Variants in DOCK4 observed in about 807,000 individuals in gnomAD.
DOCK4 encodes dedicator of cytokinesis protein 4.
A neutral mutation model predicts 268.1 loss-of-function variants in DOCK4; 97 were observed. That is an observed-to-expected ratio of 0.36 (90% CI 0.31 to 0.43). The LOEUF is 0.43. Among genes scored for constraint, DOCK4 ranks in the 20% least tolerant of loss-of-function variants. DOCK4 has a pLI of 1.00. For synonymous variants in DOCK4, 954 were observed against 887.2 expected (o/e 1.08, Z -1.34); for missense variants, 2,145 against 2,455.7 (o/e 0.87, Z 2.67).
chr7:111,750,601 C>T (rs1180334634), intron 42 of DOCK4, among the ~76,000 whole-genome samples: 1 of 152,266 alleles, frequency 6.6e-6, no homozygotes, highest in East Asian at 1.9e-4. Context: ...ACCTAGCAGA[C>T]GATGTGTAAT....
chr7:112,171,368 T>C (rs1014230729), intron 1 of DOCK4, among the ~76,000 whole-genome samples: 4 of 152,208 alleles, frequency 2.6e-5, no homozygotes, highest in Admixed American at 1.3e-4. Context: ...TCTGACCATG[T>C]CATATTTTTT....
At chr7:112,063,546 C>G (rs760094644) in intron 1 of DOCK4, among the ~76,000 whole-genome samples, 12 of 152,122 alleles carry the variant, frequency 7.9e-5, no homozygotes, top group African/African-American at 2.7e-4. Flanking sequence ...AGTATTGTAC[C>G]ACATATCACT....
chr7:111,827,059 T>G (rs1802458367), intron 26 of DOCK4, among the ~76,000 whole-genome samples: 2 of 152,054 alleles, frequency 1.3e-5, no homozygotes, highest in Admixed American at 1.3e-4. Context: ...TTCTTCTTAC[T>G]TCAAGAACAA....
chr7:112,144,808 GCA>G (rs1240741733), intron 1 of DOCK4, among the ~76,000 whole-genome samples: 1 of 152,154 alleles, frequency 6.6e-6, no homozygotes, highest in African/African-American at 2.4e-5. Context: ...ACTGTGGTAT[GCA>G]CACTCTCCTT....
At chr7:111,860,183 C>T (rs1056125524) in intron 23 of DOCK4, among the ~76,000 whole-genome samples, 9 of 152,212 alleles carry the variant, frequency 5.9e-5, no homozygotes, top group Non-Finnish European at 1.2e-4. Flanking sequence ...AACTAGACAA[C>T]ATAAATATGC....
intron 36 of DOCK4, among the ~76,000 whole-genome samples, chr7:111,771,047 T>C (rs1798095764): frequency 6.6e-6 from 1 of 152,240 alleles, no homozygotes; most frequent in African/African-American, 2.4e-5. Flanking sequence ...TCCCCCTCCA[T>C]TCAGTTTGCA....
intron 38 of DOCK4, among the ~76,000 whole-genome samples, chr7:111,765,562 C>A (rs1204841650): frequency 6.6e-6 from 1 of 152,176 alleles, no homozygotes; most frequent in African/African-American, 2.4e-5. Context: ...GCATGTAGTC[C>A]TATCAAGAAA....
At chr7:111,974,492 A>ATGTGTGTGTGTGTG (rs59409689) in intron 8 of DOCK4, among the ~76,000 whole-genome samples, 37 of 84,384 alleles carry the variant, frequency 4.4e-4, no homozygotes, top group East Asian at 2.4e-3. Flanking sequence ...TTGAAGAGGG[A>ATGTGTGTGTGTGTG]TGTGTGTGTG....
chr7:112,107,228 C>T (rs1811212372), intron 1 of DOCK4, among the ~76,000 whole-genome samples: 1 of 152,138 alleles, frequency 6.6e-6, no homozygotes, highest in South Asian at 2.1e-4. Flanking sequence ...GCTTGTGTTC[C>T]CACAAACTTC....
intron 27 of DOCK4, 83 bp downstream of exon 27, chr7:111,822,279 G>A: frequency 8.4e-7 from 1 of 1,185,548 alleles, no homozygotes; most frequent in Non-Finnish European, 1.2e-6. Context: ...CTGCAAACTT[G>A]AGATCAAATG....
chr7:111,957,632 T>C (rs1417399927), intron 8 of DOCK4, among the ~76,000 whole-genome samples: 1 of 152,188 alleles, frequency 6.6e-6, no homozygotes, highest in Non-Finnish European at 1.5e-5. Flanking sequence ...TCGAATCGTC[T>C]TACAACATAT....
chr7:112,173,029 C>G (rs1818214862), intron 1 of DOCK4, among the ~76,000 whole-genome samples: 1 of 152,194 alleles, frequency 6.6e-6, no homozygotes, highest in Non-Finnish European at 1.5e-5. Context: ...GACTACCAGT[C>G]TGTTCACACA....
intron 1 of DOCK4, among the ~76,000 whole-genome samples, chr7:112,030,540 T>C (rs1803182141): frequency 6.6e-6 from 1 of 152,212 alleles, no homozygotes; most frequent in Admixed American, 6.5e-5. Flanking sequence ...ATTTATTTCC[T>C]GTAGTTTGAG....
intron 49 of DOCK4, among the ~76,000 whole-genome samples, chr7:111,738,269 G>T (rs190325619): frequency 5.3e-5 from 8 of 152,158 alleles, no homozygotes; most frequent in East Asian, 3.9e-4. Context: ...TCCCTTACTC[G>T]CATGAGCAGT....
chr7:111,732,035 C>T (rs993921511), intron 52 of DOCK4, among the ~76,000 whole-genome samples, 191 bp downstream of exon 52: 8 of 152,224 alleles, frequency 5.3e-5, no homozygotes, highest in Admixed American at 1.3e-4. Flanking sequence ...CAAATGGCTG[C>T]GTTTGTGCAG....
chr7:112,032,167 C>G (rs1435535865), intron 1 of DOCK4, among the ~76,000 whole-genome samples: 1 of 152,108 alleles, frequency 6.6e-6, no homozygotes, highest in African/African-American at 2.4e-5. Flanking sequence ...ATGTGTACAT[C>G]ATCTTGGAGG....
chr7:111,801,207 T>A (rs1800252283), intron 30 of DOCK4, among the ~76,000 whole-genome samples: 1 of 152,186 alleles, frequency 6.6e-6, no homozygotes, highest in Admixed American at 6.5e-5. Context: ...AGGGCCAGGT[T>A]TTTTGCGGAC....
intron 25 of DOCK4, chr7:111,840,910 C>T (rs1229250835): frequency 8.4e-7 from 1 of 1,194,800 alleles, no homozygotes; most frequent in South Asian, 1.2e-5. Flanking sequence ...GATCTTCAGT[C>T]TCCAGAGAAT....
chr7:112,109,714 C>T (rs960479314), intron 1 of DOCK4, among the ~76,000 whole-genome samples: 5 of 150,666 alleles, frequency 3.3e-5, no homozygotes, highest in African/African-American at 1.2e-4. Flanking sequence ...ATATATAGCA[C>T]TATTTTTTTT....
Sources: allele counts gnomAD v4.1 joint callset (sites outside exome capture counted in the v4.1 genomes callset), GRCh38; gene constraint gnomAD v4.1.1; transcripts MANE v1.5; gene names NCBI Gene and HGNC (gene_info 2026-07-23, HGNC 2026-07-21).